PPP2R2C: variants seen among roughly 807,000 people sequenced by gnomAD.
The protein encoded by PPP2R2C is protein phosphatase 2, regulatory subunit B, gamma.
A neutral mutation model predicts 45.3 loss-of-function variants in PPP2R2C; 10 were observed. The ratio of observed to expected loss-of-function variants is 0.22; its 90% CI spans 0.14 to 0.37. PPP2R2C has a LOEUF of 0.37. Ranked by LOEUF, PPP2R2C falls within the 10% of genes least tolerant of loss-of-function variation. PPP2R2C has a pLI of 1.00. For missense variants in PPP2R2C, 308 were observed against 619.7 expected, an observed-to-expected ratio of 0.50 and a Z score of 5.34; for synonymous variants, 257 against 245.4, an observed-to-expected ratio of 1.05 and a Z score of -0.44.
At chr4:6,473,551 C>G (rs1229476450), upstream of PPP2R2C, among the ~76,000 whole-genome samples, 3 of 152,190 alleles carry the variant, frequency 2.0e-5, no homozygotes, top group Non-Finnish European at 4.4e-5. Context: ...GCGAGGGACT[C>G]TGTGGCTTGC....
chr4:6,556,429 G>T (rs537357162), intron 1 of PPP2R2C, among the ~76,000 whole-genome samples: 1 of 152,258 alleles, frequency 6.6e-6, no homozygotes, highest in South Asian at 2.1e-4. Flanking sequence ...CTTCAAACTA[G>T]AACAACTAGT....
At chr4:6,535,084 C>T (rs1338003561) in intron 2 of PPP2R2C, among the ~76,000 whole-genome samples, 1 of 152,216 alleles carries the variant, frequency 6.6e-6, no homozygotes, top group Non-Finnish European at 1.5e-5. Flanking sequence ...TGGGGTGGGG[C>T]CAGGGCCCAG....
intron 1 of PPP2R2C, among the ~76,000 whole-genome samples, chr4:6,560,222 G>A (rs1725532434): frequency 6.6e-6 from 1 of 152,264 alleles, no homozygotes; most frequent in Non-Finnish European, 1.5e-5. Context: ...AGGGGACAGT[G>A]CACAGCCCCC....
At chr4:6,493,317 C>T (rs1381313048) in intron 2 of PPP2R2C, among the ~76,000 whole-genome samples, 1 of 151,824 alleles carries the variant, frequency 6.6e-6, no homozygotes, top group Non-Finnish European at 1.5e-5. Context: ...GGACTATTGT[C>T]TGTCTCCCTC....
At position 6,364,359 on chromosome 4, in the gene PPP2R2C, T is replaced by G. The variant is rs1719022413; in HGVS notation, c.625+8164A>C. Reference sequence around the variant, plus strand: ...GGGAGCAAAGGGAGAGAGGAGGAAGTGGGCCAGGGAGGGGCCAGGGCCAGC... The same window carrying G: ...GGGAGCAAAGGGAGAGAGGAGGAAGGGGGCCAGGGAGGGGCCAGGGCCAGC... On this transcript the variant is annotated intron_variant, in intron 5 of 8. Coordinates refer to ENST00000382599, the MANE Select transcript of PPP2R2C (RefSeq NM_020416.4). The surrounding 1 kb of genome is among the most constrained non-coding windows in gnomAD (Gnocchi z 5.3). Among the ~76,000 whole-genome samples, 1 of 151,806 alleles carries G rather than the reference T, an allele frequency of 6.6e-6. No homozygotes were observed. Among genetic ancestry groups the G allele is most frequent in the African/African-American group, 2.4e-5 (1 of 41,304 alleles).
At chr4:6,413,919 C>T (rs1002534604) in intron 1 of PPP2R2C, 10 of 1,536,028 alleles carry the variant, frequency 6.5e-6, no homozygotes, top group Non-Finnish European at 8.7e-6. Flanking sequence ...CTCTCTTTCC[C>T]ATCAGCGTCT....
chr4:6,367,498 C>CAGAA (rs1714436115), intron 5 of PPP2R2C, among the ~76,000 whole-genome samples: 1 of 152,130 alleles, frequency 6.6e-6, no homozygotes, highest in East Asian at 1.9e-4. Context: ...GAACTGTCAC[C>CAGAA]CTCTGACAGC....
chr4:6,377,042 C>A (rs1007828522), intron 3 of PPP2R2C, among the ~76,000 whole-genome samples: 6 of 152,244 alleles, frequency 3.9e-5, no homozygotes, highest in African/African-American at 1.4e-4. Flanking sequence ...AAAAGGCGGG[C>A]ACCCAGCAAG....
rs1731576064 is a variant in PPP2R2C, at chr4:6,321,957, G to C, written c.*1345C>G. On this transcript the variant is annotated 3_prime_UTR_variant, in exon 9 of 9. Transcript: ENST00000382599. ...GCAATTTCCTTTCAAAGGCAGTTCA[G>C]TGCATTGGCTCAAGGAGGGTGCAAG... 6.6e-6 allele frequency: 1 copy of C among 152,198 alleles called. No individual in the cohort carries two copies. The highest frequency in any genetic ancestry group is 1.5e-5 in the Non-Finnish European group (1 of 68,068). The allele number at this position is 152,198 out of a possible 1,614,324, so 9.4% of individuals were successfully genotyped here.
chr4:6,379,338 G>A (rs1460575778), intron 2 of PPP2R2C, among the ~76,000 whole-genome samples: 1 of 152,158 alleles, frequency 6.6e-6, no homozygotes, highest in South Asian at 2.1e-4. Flanking sequence ...CAACTCATAC[G>A]ACAACACGAA....
chr4:6,427,011 T>C (rs970821168), intron 1 of PPP2R2C, among the ~76,000 whole-genome samples: 8 of 152,204 alleles, frequency 5.3e-5, no homozygotes, highest in African/African-American at 1.7e-4. Flanking sequence ...AGCGGCCACA[T>C]ACCACGGAGG....
intron 2 of PPP2R2C, among the ~76,000 whole-genome samples, chr4:6,507,684 C>G (rs1189705687): frequency 1.3e-5 from 2 of 152,326 alleles, no homozygotes; most frequent in East Asian, 3.9e-4. Flanking sequence ...ATCACAAACT[C>G]TTGAGCAAAT....
intron 6 of PPP2R2C, among the ~76,000 whole-genome samples, chr4:6,334,267 G>A (rs533413559): frequency 1.3e-5 from 2 of 152,280 alleles, no homozygotes; most frequent in South Asian, 4.1e-4. Flanking sequence ...CATTGCCATG[G>A]GGTTTGTAAC....
intron 5 of PPP2R2C, among the ~76,000 whole-genome samples, chr4:6,365,298 G>A (rs976151505): frequency 1.3e-5 from 2 of 152,228 alleles, no homozygotes; most frequent in African/African-American, 4.8e-5. Flanking sequence ...GTATGTATCT[G>A]ACATGCCGTG....
chr4:6,511,497 G>A (rs1409111481), intron 2 of PPP2R2C, among the ~76,000 whole-genome samples: 2 of 96,782 alleles, frequency 2.1e-5, no homozygotes, highest in African/African-American at 4.6e-5. Flanking sequence ...TGGTGGTGAT[G>A]GCGGTGATGG....
intron 2 of PPP2R2C, among the ~76,000 whole-genome samples, chr4:6,494,407 T>C (rs1199177126): frequency 6.6e-6 from 1 of 152,192 alleles, no homozygotes; most frequent in African/African-American, 2.4e-5. Flanking sequence ...CATTCACTTA[T>C]TCAACAGACA....
intron 1 of PPP2R2C, among the ~76,000 whole-genome samples, chr4:6,466,338 G>A (rs1000817386): frequency 6.6e-6 from 1 of 152,186 alleles, no homozygotes; most frequent in Non-Finnish European, 1.5e-5. Context: ...TTTCAAGATA[G>A]TAACAGCAGA....
rs559673916 is a variant in PPP2R2C at position 6,420,442 on chromosome 4, C to T, written c.71-39348G>A. Among the ~76,000 whole-genome samples, 7 of 152,294 alleles carry T rather than the reference C, an allele frequency of 4.6e-5. No homozygotes were observed. In the East Asian group the frequency reaches 9.6e-4, roughly 21 times the overall value. ...ACTTGGGGCTGCATGTGCGGCCTCT[C>T]GCCCCAAGGACAGATGTACTTTTTC... On this transcript the variant is annotated intron_variant, in intron 1 of 8. Transcript: ENST00000382599.
intron 1 of PPP2R2C, among the ~76,000 whole-genome samples, chr4:6,391,476 G>A (rs891512756): frequency 3.3e-5 from 5 of 152,214 alleles, no homozygotes; most frequent in African/African-American, 1.2e-4. Context: ...CCTGAGCTTG[G>A]TTTATAAAAA....
Sources: allele counts gnomAD v4.1 joint callset (sites outside exome capture counted in the v4.1 genomes callset), GRCh38; gene constraint gnomAD v4.1.1; non-coding constraint Gnocchi (gnomAD v3.1); transcripts MANE v1.5; gene names NCBI Gene and HGNC (gene_info 2026-07-23, HGNC 2026-07-21).